RASGEF1C: variants seen among roughly 807,000 people sequenced by gnomAD.
RASGEF1C encodes the protein ras-GEF domain-containing family member 1C.
Under a neutral mutation model 58.1 loss-of-function variants are expected in RASGEF1C, and 27 were observed. The observed-to-expected ratio is 0.46, with a 90% CI of 0.34 to 0.64. The LOEUF (loss-of-function observed/expected upper bound fraction) is 0.64, where lower values mean the gene tolerates loss of function less well. Among genes scored for constraint, RASGEF1C ranks in the 30% least tolerant of loss-of-function variants. The probability of loss-of-function intolerance (pLI) is 0.01; values close to 1 mark genes in which losing one functional copy is unlikely to be tolerated. For synonymous variants in RASGEF1C, 243 were observed against 246.3 expected, an observed-to-expected ratio of 0.99 and a Z score of 0.13; for missense variants, 502 against 605.1, an observed-to-expected ratio of 0.83 and a Z score of 1.79.
rs908216479 is a variant in RASGEF1C, at chr5:180,143,699, CT to C, written c.-6-5642del. On this transcript the variant is annotated intron_variant, in intron 1 of 13. Coordinates refer to ENST00000361132, the MANE Select transcript of RASGEF1C (RefSeq NM_175062.4). This position sits in a 1 kb window ranked among gnomAD's most constrained non-coding sequence, Gnocchi z 4.3. ...TTAATTCTATTTTTTTAAAAAGCCA[CT>C]GATGGGGCCACACAGTGAGTTAAAG... 6.6e-6 allele frequency among the ~76,000 whole-genome samples: 1 copy of C among 152,184 alleles called. No individual in the cohort carries two copies. The highest frequency in any genetic ancestry group is 2.4e-5 in the African/African-American group (1 of 41,438).
chr5:180,152,154 A>C (rs1042584853), intron 1 of RASGEF1C, among the ~76,000 whole-genome samples: 1 of 152,054 alleles, frequency 6.6e-6, no homozygotes, highest in Non-Finnish European at 1.5e-5. Context: ...TGTGGAAGTC[A>C]GTGTGGCGAT....
At chr5:180,157,627 C>CAAAAAAA (rs71001077) in intron 1 of RASGEF1C, among the ~76,000 whole-genome samples, 1 of 131,368 alleles carries the variant, frequency 7.6e-6, no homozygotes, top group Non-Finnish European at 1.6e-5. Flanking sequence ...AACTCCGTCT[C>CAAAAAAA]AAAAAAAAAA....
rs1242881317 is a variant in RASGEF1C, at chr5:180,177,888, A to C, written c.-7+31140T>G. ...GGGCTTTCTTGTGAAAGGGGCCCAC[A>C]TGGAGGAAACGGAGCCAAGACTCAC... On this transcript the variant is annotated intron_variant, in intron 1 of 13. Transcript: ENST00000361132. The surrounding 1 kb of genome is among the most constrained non-coding windows in gnomAD (Gnocchi z 5.0). Among the ~76,000 whole-genome samples the C allele has an allele frequency of 6.6e-6, 1 of 152,004 alleles. No individual in the cohort carries two copies. The highest frequency in any genetic ancestry group is 6.6e-5 in the Admixed American group (1 of 15,258).
chr5:180,208,843 C>T (rs1346768465), intron 1 of RASGEF1C, among the ~76,000 whole-genome samples, 185 bp downstream of exon 1: 2 of 151,262 alleles, frequency 1.3e-5, no homozygotes, highest in East Asian at 1.9e-4. Flanking sequence ...ACCCGCTACC[C>T]CCGCGCCTCC....
intron 8 of RASGEF1C, 22 bp from the exon 9 acceptor site, chr5:180,118,888 G>C: frequency 1.9e-6 from 3 of 1,610,800 alleles, no homozygotes; most frequent in Non-Finnish European, 2.5e-6. Flanking sequence ...AGGAGGGTTG[G>C]AGAGGGCTGC....
chr5:180,165,985 G>A (rs1387053879), intron 1 of RASGEF1C, among the ~76,000 whole-genome samples: 2 of 151,728 alleles, frequency 1.3e-5, no homozygotes, highest in Non-Finnish European at 2.9e-5. Flanking sequence ...TCCTGACCTC[G>A]TGATCTGCCC....
intron 12 of RASGEF1C, among the ~76,000 whole-genome samples, chr5:180,107,787 G>T (rs1765894932): frequency 6.6e-6 from 1 of 152,006 alleles, no homozygotes; most frequent in African/African-American, 2.4e-5. Flanking sequence ...TTTTGTATTT[G>T]TAGTAGAGAC....
intron 1 of RASGEF1C, among the ~76,000 whole-genome samples, chr5:180,138,570 A>G (rs1216692766): frequency 6.6e-6 from 1 of 152,170 alleles, no homozygotes; most frequent in Non-Finnish European, 1.5e-5. Context: ...GTGGCAGGAA[A>G]GTGGGCACAT....
chr5:180,109,467 T>A (rs4700871), intron 12 of RASGEF1C, among the ~76,000 whole-genome samples: 46,966 of 151,558 alleles, frequency 0.31, 7,464 homozygotes, highest in East Asian at 0.47. Flanking sequence ...CAAAAAAAAA[T>A]AATAATAATA....
At chr5:180,172,964 A>G (rs986908696) in intron 1 of RASGEF1C, among the ~76,000 whole-genome samples, 15 of 152,160 alleles carry the variant, frequency 9.9e-5, no homozygotes, top group South Asian at 4.2e-4. Context: ...GGGTCAATGC[A>G]TCTTCCTTTC....
intron 1 of RASGEF1C, among the ~76,000 whole-genome samples, chr5:180,147,560 G>C (rs1283909659): frequency 6.6e-6 from 1 of 152,064 alleles, no homozygotes; most frequent in Non-Finnish European, 1.5e-5. Context: ...CAATGCATAG[G>C]TTGTTTAAGA....
intron 8 of RASGEF1C, 63 bp downstream of exon 8, chr5:180,119,283 A>C: frequency 7.3e-7 from 1 of 1,368,976 alleles, no homozygotes. Context: ...GCCTGGCTGC[A>C]CCCACTCCGG....
At chr5:180,157,912 G>A (rs1766876593) in intron 1 of RASGEF1C, among the ~76,000 whole-genome samples, 1 of 152,132 alleles carries the variant, frequency 6.6e-6, no homozygotes. Context: ...AAAACCCATA[G>A]AATGTACAAC....
At chr5:180,185,185 G>A (rs954146032) in intron 1 of RASGEF1C, among the ~76,000 whole-genome samples, 3 of 151,952 alleles carry the variant, frequency 2.0e-5, no homozygotes, top group Admixed American at 6.6e-5. Context: ...CCAGCTACTT[G>A]GGAGGCTGCG....
chr5:180,148,274 G>A (rs1456466236), intron 1 of RASGEF1C, among the ~76,000 whole-genome samples: 2 of 151,972 alleles, frequency 1.3e-5, no homozygotes, highest in East Asian at 3.9e-4. Flanking sequence ...TATATAGTTG[G>A]ATCTTTTTTA....
intron 1 of RASGEF1C, among the ~76,000 whole-genome samples, chr5:180,207,591 G>T (rs1756510767): frequency 6.6e-6 from 1 of 152,230 alleles, no homozygotes; most frequent in South Asian, 2.1e-4. Flanking sequence ...GCTCCCCCTC[G>T]CCAGTCCCGC....
chr5:180,131,580 A>G (rs1022190988), intron 4 of RASGEF1C, among the ~76,000 whole-genome samples: 2 of 152,294 alleles, frequency 1.3e-5, no homozygotes, highest in Admixed American at 1.3e-4. Context: ...CAAGCTCCAC[A>G]CAGCCAACTG....
intron 1 of RASGEF1C, among the ~76,000 whole-genome samples, chr5:180,150,026 T>C (rs769721140): frequency 2.0e-5 from 3 of 152,250 alleles, no homozygotes; most frequent in Non-Finnish European, 2.9e-5. Flanking sequence ...GTCTGCTTTA[T>C]GGTATTGCTT....
intron 1 of RASGEF1C, among the ~76,000 whole-genome samples, chr5:180,192,984 G>T (rs1004153011): frequency 1.3e-4 from 19 of 151,780 alleles, no homozygotes; most frequent in Non-Finnish European, 2.4e-4. Context: ...GATCTCAAGT[G>T]ATCCACCCAC....
Sources: allele counts gnomAD v4.1 joint callset (sites outside exome capture counted in the v4.1 genomes callset), GRCh38; gene constraint gnomAD v4.1.1; non-coding constraint Gnocchi (gnomAD v3.1); transcripts MANE v1.5; gene names NCBI Gene and HGNC (gene_info 2026-07-23, HGNC 2026-07-21).